Variants in F11 observed in about 807,000 individuals in gnomAD.
The protein encoded by F11 is coagualtion factor XI.
In F11, 78 loss-of-function variants were observed where a neutral mutation model predicts 76.5. The ratio of observed to expected loss-of-function variants is 1.02; its 90% confidence interval spans 0.85 to 1.23. F11 has a LOEUF of 1.23. Ranked by LOEUF, F11 falls within the 50% of genes most tolerant of loss-of-function variation. F11 has a pLI of 0.00. For synonymous variants in F11, 278 were observed against 276.3 expected (o/e 1.01, Z -0.06); for missense variants, 742 against 771.4 (o/e 0.96, Z 0.45).
At chr4:186,268,197 G>A (rs1004391042) in intron 2 of F11, among the ~76,000 whole-genome samples, 11 of 151,978 alleles carry the variant, frequency 7.2e-5, no homozygotes, top group East Asian at 1.9e-4. Context: ...CATTATTCCC[G>A]AAACAACACA....
chr4:186,282,642 G>A, intron 10 of F11: 1 of 985,042 alleles, frequency 1.0e-6, no homozygotes, highest in Non-Finnish European at 1.2e-6. Context: ...AAATATCTTA[G>A]TTACTATTTA....
chr4:186,289,896 T>C (rs1741466078), downstream of F11, among the ~76,000 whole-genome samples: 1 of 152,192 alleles, frequency 6.6e-6, no homozygotes. Context: ...TTGGCCAGGC[T>C]GGTCTTGAAC....
In F11 at chr4:186,267,178, T is replaced by C; in HGVS notation, c.42T>C (p.Thr14=). 2 of 1,577,406 alleles carry C rather than the reference T, an allele frequency of 1.3e-6. No individual in the cohort carries two copies. Among genetic ancestry groups the C allele is most frequent in the Non-Finnish European group, 1.7e-6 (2 of 1,146,582 alleles). The change falls in exon 2 of 15, where the codon ACT becomes ACC. Residue 14 remains threonine, a synonymous_variant. Transcript: ENST00000403665. ...AAGTGGTACATTTCATTTTATTTACTTCAGTTTCTGGTGGTAAGTAGAGTG... is the reference window on the plus strand; with the variant it reads ...AAGTGGTACATTTCATTTTATTTACCTCAGTTTCTGGTGGTAAGTAGAGTG... ...LYQVVHFILF[T]SVSGECVTQL... is the part of the protein sequence containing the mutation.
In F11 at chr4:186,273,158, A is replaced by T; in HGVS notation, c.306A>T (p.Gln102His). 1 of 1,613,566 alleles carries T rather than the reference A, an allele frequency of 6.2e-7. No individual in the cohort carries two copies. Among genetic ancestry groups the T allele is most frequent in the Non-Finnish European group, 8.5e-7 (1 of 1,179,486 alleles). ...TAAISGYSFKQCSHQISACNK... is the reference protein window; with the variant it reads ...TAAISGYSFKHCSHQISACNK... ...CGATTTCTGGGTATTCTTTCAAGCA[A>T]TGCTCACACCAAATAAGCGGTAAGA... is the stretch of plus-strand genomic sequence containing the variant. Residue 102 changes from glutamine to histidine, a missense_variant, in exon 4 of 15, where the codon CAA becomes CAT. Coordinates refer to ENST00000403665, the MANE Select transcript of F11 (RefSeq NM_000128.4).
chr4:186,280,856 C>CT (rs33985758), intron 10 of F11, among the ~76,000 whole-genome samples: 10,759 of 108,082 alleles, frequency 0.1, 612 homozygotes, highest in South Asian at 0.2. Context: ...TTCTTTCTTT[C>CT]TTTTTTTTTT....
Position 186,284,308 on chromosome 4 carries a change from T to TA in F11, c.1304+54dup, listed in dbSNP as rs749456014. On this transcript the variant is annotated intron_variant, in intron 11 of 14. Coordinates refer to ENST00000403665, the MANE Select transcript of F11 (RefSeq NM_000128.4). ...TTAGTTCATCTTCTTCACACATTTA[T>TA]AAAAAATATTACTAGCATGTTAGGA... is the stretch of plus-strand genomic sequence containing the variant. The TA allele has an allele frequency of 4.1e-5, 59 of 1,443,938 alleles. No homozygotes were observed. In the African/African-American group the frequency reaches 7.0e-4, roughly 17 times the overall value. 89.4% of individuals were successfully genotyped at this position (1,443,938 alleles called of 1,614,324 possible). A position where few individuals can be genotyped will look rare whatever the true frequency, so the allele number is the denominator to read the frequency against.
At chr4:186,270,813 C>T (rs1208597629) in intron 2 of F11, among the ~76,000 whole-genome samples, 1 of 151,938 alleles carries the variant, frequency 6.6e-6, no homozygotes, top group Non-Finnish European at 1.5e-5. Flanking sequence ...CCTACCTCAG[C>T]CTCCCGAGTA....
Position 186,287,814 on chromosome 4 carries a change from C to A in F11, c.1707C>A (p.Asp569Glu), listed in dbSNP as rs5975. 1.9e-6 allele frequency: 3 copies of A among 1,612,278 alleles called. No individual in the cohort carries two copies. Among genetic ancestry groups the A allele is most frequent in the African/African-American group, 2.7e-5 (2 of 74,754 alleles). Residue 569 changes from aspartate to glutamate, a missense_variant, in exon 14 of 15, where the codon GAC (aspartate) becomes GAA (glutamate). Transcript: ENST00000403665. ...CCGGCTACAGGGAAGGAGGGAAGGA[C>A]GCTTGCAAGGTAACAGAGTGTTCTT... ...ICAGYREGGKDACKGDSGGPL... is the reference protein window; with the variant it reads ...ICAGYREGGKEACKGDSGGPL...
chr4:186,268,828 T>C (rs1265199784), intron 2 of F11, among the ~76,000 whole-genome samples: 1 of 152,158 alleles, frequency 6.6e-6, no homozygotes, highest in Non-Finnish European at 1.5e-5. Flanking sequence ...TTTACATGTA[T>C]ACATTAGAAT....
At chr4:186,280,856 C>CTTTTT (rs33985758) in intron 10 of F11, among the ~76,000 whole-genome samples, 124 of 108,178 alleles carry the variant, frequency 1.1e-3, no homozygotes, top group South Asian at 1.6e-3. Context: ...TTCTTTCTTT[C>CTTTTT]TTTTTTTTTT....
intron 11 of F11, among the ~76,000 whole-genome samples, chr4:186,285,373 TGTGTGTGCGTGTGCGG>T (rs1051072264): frequency 1.3e-5 from 2 of 151,286 alleles, no homozygotes; most frequent in African/African-American, 4.9e-5. Flanking sequence ...TGTGCGTGTC[TGTGTGTGCGTGTGCGG>T]GTGTGTGCGT....
intron 7 of F11, 100 bp from the exon 8 acceptor site, chr4:186,279,912 T>G: frequency 1.1e-6 from 1 of 894,860 alleles, no homozygotes; most frequent in Non-Finnish European, 1.8e-6. Flanking sequence ...TCTTCACAAC[T>G]AAGTGCTAGC....
At position 186,288,669 on chromosome 4, in the gene F11, G is replaced by A. The variant is rs993831170; in HGVS notation, c.*55G>A. On this transcript the variant is annotated 3_prime_UTR_variant, in exon 15 of 15. Coordinates refer to ENST00000403665, the MANE Select transcript of F11 (RefSeq NM_000128.4). ...GAAGGACCCAGGATTTGCTGGGAGA[G>A]GGTGTTGAGTTCACTGTGCCAGCAT... 1.5e-5 allele frequency: 24 copies of A among 1,572,478 alleles called. No individual in the cohort carries two copies. The African/African-American group carries it at 3.1e-4, about 20-fold the overall frequency.
intron 9 of F11, 39 bp from the exon 10 acceptor site, chr4:186,280,435 A>G: frequency 6.2e-7 from 1 of 1,614,096 alleles, no homozygotes; most frequent in Non-Finnish European, 8.5e-7. Context: ...TCTGCCTGTG[A>G]GGTGCATTAT....
intron 11 of F11, 30 bp downstream of exon 11, chr4:186,284,290 ATCT>A: frequency 6.5e-7 from 1 of 1,538,866 alleles, no homozygotes; most frequent in South Asian, 1.1e-5. Context: ...TTATTAGTTC[ATCT>A]TCTTCACACA....
intron 10 of F11, among the ~76,000 whole-genome samples, chr4:186,281,294 A>G (rs964166857): frequency 2.6e-5 from 4 of 152,166 alleles, no homozygotes; most frequent in African/African-American, 4.8e-5. Context: ...TCTTCCAAAA[A>G]TTGTGTATCT....
At position 186,280,548 on chromosome 4, in the gene F11, G is replaced by T; in HGVS notation, c.1103G>T (p.Gly368Val). 1.2e-6 allele frequency: 2 copies of T among 1,614,024 alleles called. No homozygotes were observed. The highest frequency in any genetic ancestry group is 1.7e-6 in the Non-Finnish European group (2 of 1,179,952). Residue 368 changes from glycine (G) to valine (V), a missense_variant, in exon 10 of 15, where the codon GGA (glycine) becomes GTA (valine). Gly to Val is a moderately radical substitution (Grantham distance 109). Transcript: ENST00000403665. ...KILHGRGGIS[G>V]YTLRLCKMDN... ...CTTCACGGGAGAGGAGGCATCTCTG[G>T]ATACACATTAAGGTTGTGTAAAATG... is the stretch of plus-strand genomic sequence containing the variant.
At chr4:186,281,376 G>A (rs1009211631) in intron 10 of F11, among the ~76,000 whole-genome samples, 3 of 152,136 alleles carry the variant, frequency 2.0e-5, no homozygotes, top group African/African-American at 7.2e-5. Context: ...TGGAGACTTA[G>A]GGATTGGCAA....
chr4:186,278,213 AGCACTT>A (rs1415428935), intron 7 of F11, among the ~76,000 whole-genome samples: 1 of 152,068 alleles, frequency 6.6e-6, no homozygotes, highest in African/African-American at 2.4e-5. Context: ...CAGAGCCCTC[AGCACTT>A]GCCTGATTGG....
Sources: allele counts gnomAD v4.1 joint callset (sites outside exome capture counted in the v4.1 genomes callset), GRCh38; gene constraint gnomAD v4.1.1; transcripts MANE v1.5; gene names NCBI Gene and HGNC (gene_info 2026-07-23, HGNC 2026-07-21).